CFAP77: variants seen among roughly 807,000 people sequenced by gnomAD.
CFAP77 encodes the protein cilia- and flagella-associated protein 77.
Under a neutral mutation model 31.1 loss-of-function variants are expected in CFAP77, and 25 were observed. The observed-to-expected ratio is 0.80, with a 90% CI of 0.59 to 1.12. CFAP77 has a LOEUF of 1.12. Among genes scored for constraint, CFAP77 ranks in the 50% most tolerant of loss-of-function variants. The probability of loss-of-function intolerance (pLI) is 0.00; values close to 1 mark genes in which losing one functional copy is unlikely to be tolerated. For synonymous variants in CFAP77, 151 were observed against 159.9 expected (o/e 0.94, Z 0.42); for missense variants, 377 against 397.3 (o/e 0.95, Z 0.44).
intron 1 of CFAP77, among the ~76,000 whole-genome samples, chr9:132,474,733 G>A (rs916750762): frequency 2.6e-5 from 4 of 152,270 alleles, no homozygotes; most frequent in East Asian, 3.9e-4. Flanking sequence ...AAAATGGTGC[G>A]CGTGACTCAG....
intron 1 of CFAP77, among the ~76,000 whole-genome samples, chr9:132,413,748 C>G (rs984915416): frequency 6.6e-6 from 1 of 152,166 alleles, no homozygotes; most frequent in African/African-American, 2.4e-5. Flanking sequence ...TCTTCTGTCT[C>G]CCTGGAGAGG....
At chr9:132,504,047 G>T (rs1227648601) in intron 3 of CFAP77, among the ~76,000 whole-genome samples, 1 of 152,150 alleles carries the variant, frequency 6.6e-6, no homozygotes, top group African/African-American at 2.4e-5. Context: ...TCAAAGAAAA[G>T]AAAAGAAAAG....
At position 132,481,645 on chromosome 9, in the gene CFAP77, G is replaced by C. The variant is rs368726475; in HGVS notation, c.196-17050G>C. Among the ~76,000 whole-genome samples the C allele has an allele frequency of 5.3e-5, 8 of 152,294 alleles. No homozygotes were observed. Among genetic ancestry groups the C allele is most frequent in the African/African-American group, 1.2e-4 (5 of 41,576 alleles). On this transcript the variant is annotated intron_variant, in intron 1 of 5. Coordinates refer to ENST00000393216, the MANE Select transcript of CFAP77 (RefSeq NM_001282957.2). This position sits in a 1 kb window ranked among gnomAD's most constrained non-coding sequence, Gnocchi z 5.0. ...CAACCCCAGAGGCTGCGAAGAGGAGGGGGTGGGAGGACCCTGTCCTCCAGC... is the reference window on the plus strand; with the variant it reads ...CAACCCCAGAGGCTGCGAAGAGGAGCGGGTGGGAGGACCCTGTCCTCCAGC...
rs186582319 is a variant in CFAP77 at position 132,539,087 on chromosome 9, G to A, written c.630+1381G>A. Reference sequence around the variant, plus strand: ...GGGCAACAGAGCAAGACTCCGTCTCGATAAAAAAATAAATAAATAAAAATA... The same window carrying A: ...GGGCAACAGAGCAAGACTCCGTCTCAATAAAAAAATAAATAAATAAAAATA... On this transcript the variant is annotated intron_variant, in intron 4 of 5. Coordinates refer to ENST00000393216, the MANE Select transcript of CFAP77 (RefSeq NM_001282957.2). This position sits in a 1 kb window ranked among gnomAD's most constrained non-coding sequence, Gnocchi z 4.3. 6.6e-5 allele frequency among the ~76,000 whole-genome samples: 10 copies of A among 152,018 alleles called. No homozygotes were observed. Among genetic ancestry groups the A allele is most frequent in the Admixed American group, 1.3e-4 (2 of 15,278 alleles).
chr9:132,410,900 G>A (rs1051328127), intron 1 of CFAP77, among the ~76,000 whole-genome samples: 3 of 152,170 alleles, frequency 2.0e-5, no homozygotes, highest in Non-Finnish European at 4.4e-5. Flanking sequence ...CACGCCTGGG[G>A]TACGTCTATG....
chr9:132,430,807 G>GT (rs1203965336), intron 1 of CFAP77, among the ~76,000 whole-genome samples: 1 of 151,108 alleles, frequency 6.6e-6, no homozygotes, highest in Non-Finnish European at 1.5e-5. Flanking sequence ...CAGATAAAAC[G>GT]TAAAAAAAAA....
intron 1 of CFAP77, among the ~76,000 whole-genome samples, chr9:132,485,985 CATATATATATATATATAT>C (rs61265124): frequency 5.4e-4 from 29 of 53,572 alleles, no homozygotes; most frequent in South Asian, 3.4e-3. Context: ...ACACACACCT[CATATATATATATATATAT>C]ATATATATAT....
chr9:132,410,417 G>C lies in CFAP77; in HGVS notation c.146G>C (p.Arg49Pro), dbSNP rs377126183. The C allele has an allele frequency of 1.4e-4, 221 of 1,600,598 alleles. No individual in the cohort carries two copies. The highest frequency in any genetic ancestry group is 1.8e-4 in the Non-Finnish European group (215 of 1,175,050). The change falls in exon 1 of 6, where the codon CGG becomes CCG. Residue 49 changes from arginine (R) to proline (P), a missense_variant. Transcript: ENST00000393216. ...ADIRSGMENE[R>P]LGVVRDSMFQ... ...ATCCGTTCCGGCATGGAGAACGAGC[G>C]GCTGGGGGTCGTGCGGGACTCCATG...
intron 1 of CFAP77, among the ~76,000 whole-genome samples, chr9:132,458,348 A>T (rs492431): frequency 0.28 from 28,381 of 103,032 alleles, 3,723 homozygotes; most frequent in East Asian, 0.41. Flanking sequence ...CTGGCGGGGG[A>T]GGGGGGGGGG....
chr9:132,426,505 A>AG (rs1850317642), intron 1 of CFAP77, among the ~76,000 whole-genome samples: 1 of 96,110 alleles, frequency 1.0e-5, no homozygotes, highest in Non-Finnish European at 1.9e-5. Flanking sequence ...CCCGCCAGTT[A>AG]TTAAAAGGCT....
At chr9:132,562,915 G>A (rs1829837984) in intron 5 of CFAP77, among the ~76,000 whole-genome samples, 1 of 152,016 alleles carries the variant, frequency 6.6e-6, no homozygotes, top group South Asian at 2.1e-4. Flanking sequence ...GGTCAGGATG[G>A]TCTCAAACTC....
Position 132,486,085 on chromosome 9 carries a change from TATATA to T in CFAP77, c.196-12609_196-12605del, listed in dbSNP as rs1446250429. Among the ~76,000 whole-genome samples the T allele has an allele frequency of 3.7e-3, 95 of 25,696 alleles. 12 individuals carry two copies. Among genetic ancestry groups the T allele is most frequent in the East Asian group, 0.023 (11 of 486 alleles). 16.9% of individuals were successfully genotyped at this position (25,696 alleles called of 152,430 possible). A position where few individuals can be genotyped will look rare whatever the true frequency, so the allele number is the denominator to read the frequency against. On this transcript the variant is annotated intron_variant, in intron 1 of 5. Transcript: ENST00000393216. ...GTGTGTGTATATATATATATATATA[TATATA>T]TTTTTTTTTTTTTTTTTTTTGAGAC...
In CFAP77 at chr9:132,410,417, G is replaced by T. The variant is rs377126183; in HGVS notation, c.146G>T (p.Arg49Leu). The change falls in exon 1 of 6, where the codon CGG becomes CTG. Residue 49 changes from arginine to leucine, a missense_variant. Transcript: ENST00000393216. ...ATCCGTTCCGGCATGGAGAACGAGC[G>T]GCTGGGGGTCGTGCGGGACTCCATG... ...ADIRSGMENE[R>L]LGVVRDSMFQ... 6.2e-7 allele frequency: 1 copy of T among 1,600,598 alleles called. No homozygotes were observed.
intron 1 of CFAP77, among the ~76,000 whole-genome samples, chr9:132,492,301 C>G (rs1482554060): frequency 6.6e-6 from 1 of 152,034 alleles, no homozygotes; most frequent in African/African-American, 2.4e-5. Flanking sequence ...AAAGAACCCC[C>G]CCCAAAACAA....
At position 132,565,558 on chromosome 9, in the gene CFAP77, G is replaced by A. The variant is rs1829875560; in HGVS notation, c.733-6830G>A. Among the ~76,000 whole-genome samples the A allele has an allele frequency of 6.6e-6, 1 of 152,030 alleles. No homozygotes were observed. The highest frequency in any genetic ancestry group is 2.1e-4 in the South Asian group (1 of 4,814). On this transcript the variant is annotated intron_variant, in intron 5 of 5. Transcript: ENST00000393216. This position sits in a 1 kb window ranked among gnomAD's most constrained non-coding sequence, Gnocchi z 4.1. ...AGGAAGGAGGATCGCTTGAACCCGG[G>A]AGGCAGAGTTTGCAGTGAGCTGAGA...
chr9:132,463,911 G>A (rs1224927758), intron 1 of CFAP77, among the ~76,000 whole-genome samples: 1 of 152,214 alleles, frequency 6.6e-6, no homozygotes, highest in Non-Finnish European at 1.5e-5. Context: ...GGATGCACAA[G>A]TGTGGGTGGA....
intron 1 of CFAP77, among the ~76,000 whole-genome samples, chr9:132,465,073 CAAAAAAAAA>C (rs773917029): frequency 2.4e-4 from 20 of 82,858 alleles, no homozygotes; most frequent in East Asian, 6.3e-4. Context: ...GACTCTGTCT[CAAAAAAAAA>C]AAAAAAAAAA....
intron 3 of CFAP77, among the ~76,000 whole-genome samples, chr9:132,507,084 T>C (rs748494384): frequency 6.6e-6 from 1 of 152,234 alleles, no homozygotes; most frequent in Non-Finnish European, 1.5e-5. Flanking sequence ...AAGAACCTGC[T>C]GAGCTTCTCC....
chr9:132,549,314 C>T (rs985818066), intron 5 of CFAP77, among the ~76,000 whole-genome samples: 4 of 152,186 alleles, frequency 2.6e-5, no homozygotes, highest in Non-Finnish European at 5.9e-5. Flanking sequence ...GGTCTCTGCA[C>T]CAGTGATGTA....
Sources: allele counts gnomAD v4.1 joint callset (sites outside exome capture counted in the v4.1 genomes callset), GRCh38; gene constraint gnomAD v4.1.1; non-coding constraint Gnocchi (gnomAD v3.1); transcripts MANE v1.5; gene names NCBI Gene and HGNC (gene_info 2026-07-23, HGNC 2026-07-21).